The following ZNF732 variants were observed in gnomAD, a reference collection of about 807,000 sequenced individuals.
ZNF732 encodes the protein zinc finger protein LOC654254.
A neutral mutation model predicts 11.5 loss-of-function variants in ZNF732; 12 were observed. The observed-to-expected ratio is 1.05, with a 90% confidence interval of 0.67 to 1.70. The LOEUF (loss-of-function observed/expected upper bound fraction) is 1.70. ZNF732 is among the 40% of genes most tolerant of loss of function. The pLI, the probability that ZNF732 is intolerant of heterozygous loss-of-function variation, is 0.00. For synonymous variants in ZNF732, 231 were observed against 236.5 expected (o/e 0.98, Z 0.21); for missense variants, 702 against 676.9 (o/e 1.04, Z -0.41).
rs1221702996 is a variant in ZNF732, at chr4:292,558, A to T, written c.226+2880T>A. On this transcript the variant is annotated intron_variant, in intron 3 of 3. Coordinates refer to ENST00000419098, the MANE Select transcript of ZNF732 (RefSeq NM_001137608.3). Reference sequence around the variant, plus strand: ...AGCAACAAGAGCAAAACTCTGTCTCAAAAAAAAAAAAAAAAAGTTAATATC... The same window carrying T: ...AGCAACAAGAGCAAAACTCTGTCTCTAAAAAAAAAAAAAAAAGTTAATATC... Among the ~76,000 whole-genome samples, 166 of 76,228 alleles carry T rather than the reference A, an allele frequency of 2.2e-3. 2 individuals are homozygous for T. The highest frequency in any genetic ancestry group is 9.5e-3 in the African/African-American group (162 of 17,006). The allele number at this position is 76,228 out of a possible 152,430, so 50.0% of individuals were successfully genotyped here.
chr4:300,690 T>C (rs1289987463), intron 1 of ZNF732, among the ~76,000 whole-genome samples: 1 of 152,068 alleles, frequency 6.6e-6, no homozygotes, highest in African/African-American at 2.4e-5. Flanking sequence ...TATTTAAGAC[T>C]TGGAGGGCTG....
intron 1 of ZNF732, among the ~76,000 whole-genome samples, chr4:303,731 C>G (rs1553843917): frequency 1.3e-5 from 2 of 152,242 alleles, no homozygotes; most frequent in Non-Finnish European, 2.9e-5. Context: ...TTTGGGTTTG[C>G]TCCTGCAACA....
rs782795235 is a variant in ZNF732, at chr4:271,723, A to G, written c.1134T>C (p.Asn378=). The change falls in exon 4 of 4, where the codon AAT becomes AAC. Residue 378 remains asparagine, a synonymous_variant. Coordinates refer to ENST00000419098, the MANE Select transcript of ZNF732 (RefSeq NM_001137608.3). ...GKAFRQSATL[N]KHKSIHTGEK... Reference sequence around the variant, plus strand: ...CTCCAGTATGAATACTCTTATGTTTATTAAGGGTTGCGGATTGTCTAAAGG... The same window carrying G: ...CTCCAGTATGAATACTCTTATGTTTGTTAAGGGTTGCGGATTGTCTAAAGG... The G allele has an allele frequency of 2.6e-5, 42 of 1,611,960 alleles. No individual in the cohort carries two copies. Among genetic ancestry groups the G allele is most frequent in the Admixed American group, 2.0e-4 (12 of 59,782 alleles).
At chr4:304,168 C>G (rs1720177138) in intron 1 of ZNF732, among the ~76,000 whole-genome samples, 1 of 152,096 alleles carries the variant, frequency 6.6e-6, no homozygotes, top group African/African-American at 2.4e-5. Flanking sequence ...AGGGTAGAAC[C>G]CTGTCCTGGG....
chr4:286,694 CT>C (rs1376892568), intron 3 of ZNF732, among the ~76,000 whole-genome samples: 2 of 151,960 alleles, frequency 1.3e-5, no homozygotes, highest in Non-Finnish European at 2.9e-5. Flanking sequence ...CAAAACAACT[CT>C]TTTTTTAACT....
intron 1 of ZNF732, among the ~76,000 whole-genome samples, chr4:297,828 G>A (rs534655569): frequency 7.2e-5 from 11 of 152,160 alleles, no homozygotes; most frequent in Non-Finnish European, 1.0e-4. Flanking sequence ...CCTCTAAGCA[G>A]TTCCGAGAGA....
chr4:270,954 A>G lies in ZNF732; in HGVS notation c.*145T>C. ...ATTTGTAGGGTTTTTCTCCAGTATG[A>G]ATTCTTACTTTCATTCAGGGTTGTG... On this transcript the variant is annotated 3_prime_UTR_variant, in exon 4 of 4. Coordinates refer to ENST00000419098, the MANE Select transcript of ZNF732 (RefSeq NM_001137608.3). The G allele has an allele frequency of 1.2e-6, 1 of 817,736 alleles. No individual in the cohort carries two copies. The highest frequency in any genetic ancestry group is 2.1e-6 in the Non-Finnish European group (1 of 486,456). 50.7% of individuals were successfully genotyped at this position (817,736 alleles called of 1,614,324 possible).
intron 3 of ZNF732, among the ~76,000 whole-genome samples, chr4:280,973 C>T (rs1261793865): frequency 6.6e-6 from 1 of 152,174 alleles, no homozygotes; most frequent in African/African-American, 2.4e-5. Flanking sequence ...CAGAGAGAAA[C>T]ATCCATCTGT....
chr4:298,916 C>G (rs782582192), intron 1 of ZNF732, among the ~76,000 whole-genome samples: 1 of 152,202 alleles, frequency 6.6e-6, no homozygotes, highest in Non-Finnish European at 1.5e-5. Flanking sequence ...CAGGATTCTT[C>G]TGTTCCCACC....
chr4:281,047 C>T (rs1461164839), intron 3 of ZNF732, among the ~76,000 whole-genome samples: 1 of 152,164 alleles, frequency 6.6e-6, no homozygotes, highest in Non-Finnish European at 1.5e-5. Context: ...TATAAGCTGG[C>T]TCCAAGTCCA....
intron 1 of ZNF732, among the ~76,000 whole-genome samples, chr4:304,365 C>T (rs1490115634): frequency 6.6e-6 from 1 of 151,994 alleles, no homozygotes; most frequent in African/African-American, 2.4e-5. Context: ...AGCACATGTG[C>T]AGAACCCGGC....
chr4:288,247 T>C (rs1489063075), intron 3 of ZNF732, among the ~76,000 whole-genome samples: 6 of 152,236 alleles, frequency 3.9e-5, no homozygotes, highest in African/African-American at 1.2e-4. Flanking sequence ...ATAAATTTAA[T>C]GTAGTCTCAT....
At chr4:303,249 A>G (rs1055542891) in intron 1 of ZNF732, among the ~76,000 whole-genome samples, 11 of 152,046 alleles carry the variant, frequency 7.2e-5, no homozygotes, top group Non-Finnish European at 1.5e-4. Context: ...CCCTTTCTAA[A>G]CCAAAGTATA....
chr4:297,699 A>T lies in ZNF732; in HGVS notation c.4-1544T>A, dbSNP rs150582722. 7.8e-3 allele frequency among the ~76,000 whole-genome samples: 1,191 copies of T among 152,180 alleles called. 2 individuals carry two copies. Among genetic ancestry groups the T allele is most frequent in the Middle Eastern group, 0.045 (13 of 292 alleles). ...GAAACACTGGTTTTAATTTTATAAA[A>T]AAGAATTTAAGGCACAAAAGTATAT... On this transcript the variant is annotated intron_variant, in intron 1 of 3. Coordinates refer to ENST00000419098, the MANE Select transcript of ZNF732 (RefSeq NM_001137608.3).
intron 3 of ZNF732, among the ~76,000 whole-genome samples, chr4:295,075 A>G (rs1719916362): frequency 1.3e-5 from 2 of 150,898 alleles, no homozygotes. Flanking sequence ...CACATTTTAG[A>G]CATGTACAAA....
At chr4:302,642 T>C (rs1720141082) in intron 1 of ZNF732, among the ~76,000 whole-genome samples, 1 of 152,234 alleles carries the variant, frequency 6.6e-6, no homozygotes, top group African/African-American at 2.4e-5. Context: ...CTATTCACTT[T>C]TCAAAGCAAT....
At chr4:298,177 C>T (rs1027970063) in intron 1 of ZNF732, among the ~76,000 whole-genome samples, 3 of 152,092 alleles carry the variant, frequency 2.0e-5, no homozygotes, top group Non-Finnish European at 4.4e-5. Flanking sequence ...CAGGTGGTGG[C>T]ATCAAAACTC....
intron 3 of ZNF732, among the ~76,000 whole-genome samples, chr4:277,288 G>A (rs1405289472): frequency 2.0e-5 from 3 of 151,780 alleles, no homozygotes; most frequent in East Asian, 1.9e-4. Flanking sequence ...ATATGCAAAC[G>A]GGATTACAAG....
chr4:285,186 A>G (rs967981553), intron 3 of ZNF732, among the ~76,000 whole-genome samples: 6 of 151,012 alleles, frequency 4.0e-5, no homozygotes, highest in African/African-American at 9.7e-5. Context: ...TTTGTGAGGG[A>G]AAAAAAAATG....
Sources: allele counts gnomAD v4.1 joint callset (sites outside exome capture counted in the v4.1 genomes callset), GRCh38; gene constraint gnomAD v4.1.1; transcripts MANE v1.5; gene names NCBI Gene and HGNC (gene_info 2026-07-23, HGNC 2026-07-21).